ARSG: variants seen among roughly 807,000 people sequenced by gnomAD.
The protein encoded by ARSG is ASG.
A neutral mutation model predicts 50.5 loss-of-function variants in ARSG; 37 were observed. That is an observed-to-expected ratio of 0.73 (90% CI 0.56 to 0.96). The LOEUF is 0.96. Among genes scored for constraint, ARSG ranks in the 50% least tolerant of loss-of-function variants. ARSG has a pLI of 0.00. For synonymous variants in ARSG, 225 were observed against 254.6 expected (o/e 0.88, Z 1.11); for missense variants, 629 against 675.3 (o/e 0.93, Z 0.76).
At chr17:68,437,685 A>G in the ARSG span, among the ~76,000 whole-genome samples, 11 of 152,214 alleles carry the variant, frequency 7.2e-5, no homozygotes, top group African/African-American at 2.7e-4. Context: ...CTAGACATTG[A>G]GACAAACTAA....
the ARSG span, chr17:68,436,467 A>G: frequency 6.2e-7 from 1 of 1,613,890 alleles, no homozygotes; most frequent in Non-Finnish European, 8.5e-7. Flanking sequence ...GTTGATAGAG[A>G]GAGCACATAG....
chr17:68,322,294 C>T (rs1379213538), intron 2 of ARSG, among the ~76,000 whole-genome samples: 4 of 152,208 alleles, frequency 2.6e-5, no homozygotes, highest in Admixed American at 1.3e-4. Context: ...ATGAAACCTA[C>T]ACCCGGCAAA....
At chr17:68,299,417 C>G (rs570929642) in intron 1 of ARSG, among the ~76,000 whole-genome samples, 4 of 151,694 alleles carry the variant, frequency 2.6e-5, no homozygotes, top group African/African-American at 4.8e-5. Context: ...AAAAATGGAA[C>G]GTTGACACGT....
chr17:68,436,124 G>C, the ARSG span, among the ~76,000 whole-genome samples: 138,835 of 152,310 alleles, frequency 0.91, 63,578 homozygotes, highest in African/African-American at 0.98. Flanking sequence ...CACATTCAGG[G>C]AGACAACTGG....
chr17:68,270,535 T>TA (rs2075304026), intron 1 of ARSG, among the ~76,000 whole-genome samples: 1 of 142,770 alleles, frequency 7.0e-6, no homozygotes, highest in Non-Finnish European at 1.5e-5. Context: ...GCCTGGGTGA[T>TA]AGAGCGAGAC....
At chr17:68,405,463 A>C (rs1459835604) in intron 11 of ARSG, among the ~76,000 whole-genome samples, 1 of 152,024 alleles carries the variant, frequency 6.6e-6, no homozygotes, top group Non-Finnish European at 1.5e-5. Context: ...AGTTGTTTTC[A>C]CAATTTCGTT....
At chr17:68,330,983 G>T (rs934580632) in intron 2 of ARSG, among the ~76,000 whole-genome samples, 14 of 89,480 alleles carry the variant, frequency 1.6e-4, no homozygotes, top group South Asian at 4.2e-4. Flanking sequence ...TTTTGCGGGG[G>T]GGGGGGGAGG....
intron 2 of ARSG, among the ~76,000 whole-genome samples, chr17:68,315,598 T>C (rs989808977): frequency 6.6e-6 from 1 of 151,958 alleles, no homozygotes; most frequent in African/African-American, 2.4e-5. Flanking sequence ...TTTTGTGCTG[T>C]CCAAGCATAA....
chr17:68,358,829 C>T (rs2079152396), intron 6 of ARSG, among the ~76,000 whole-genome samples: 2 of 151,802 alleles, frequency 1.3e-5, no homozygotes, highest in Admixed American at 1.3e-4. Flanking sequence ...ATGGTGCCAC[C>T]GTACTCCAGC....
At chr17:68,426,254 G>GGGGGGT, downstream of ARSG, 2 of 816,922 alleles carry the variant, frequency 2.4e-6, no homozygotes, top group Admixed American at 2.3e-5. Flanking sequence ...GGGAGCGGGG[G>GGGGGGT]CTCAAATAAA....
At chr17:68,433,786 T>G in the ARSG span, among the ~76,000 whole-genome samples, 665 of 65,560 alleles carry the variant, frequency 0.01, 39 homozygotes, top group Non-Finnish European at 0.015. Flanking sequence ...TTTTTTTTTT[T>G]TTTTTTTTTT....
chr17:68,421,642 A>T, downstream of ARSG: 1 of 1,321,878 alleles, frequency 7.6e-7, no homozygotes, highest in Non-Finnish European at 1.1e-6. Flanking sequence ...CCTGTGGTTT[A>T]AGCAGTGGAG....
chr17:68,334,357 G>A (rs531420079), intron 2 of ARSG, among the ~76,000 whole-genome samples: 12 of 152,238 alleles, frequency 7.9e-5, no homozygotes, highest in African/African-American at 2.4e-4. Context: ...TATGTGGTAC[G>A]AAAGCAAAGA....
At chr17:68,283,708 C>T (rs1555753583) in intron 1 of ARSG, among the ~76,000 whole-genome samples, 1 of 149,876 alleles carries the variant, frequency 6.7e-6, no homozygotes, top group African/African-American at 2.5e-5. Context: ...AACCCTGTCT[C>T]TACTAAAAAA....
intron 9 of ARSG, among the ~76,000 whole-genome samples, chr17:68,386,798 T>G (rs2080747458): frequency 6.6e-6 from 1 of 152,146 alleles, no homozygotes; most frequent in Non-Finnish European, 1.5e-5. Flanking sequence ...TGGCTTCTCA[T>G]CAGAGAATGG....
At chr17:68,434,463 G>T in the ARSG span, 1 of 1,349,058 alleles carries the variant, frequency 7.4e-7, no homozygotes, top group Non-Finnish European at 1.0e-6. Context: ...GGAGGGCACA[G>T]AGCCACTCTC....
intron 11 of ARSG, among the ~76,000 whole-genome samples, chr17:68,411,708 A>G (rs1050232691): frequency 1.2e-4 from 18 of 147,946 alleles, no homozygotes; most frequent in Non-Finnish European, 2.4e-4. Flanking sequence ...TGATCTGTCT[A>G]ATGTTGACAG....
At chr17:68,344,076 T>C (rs1356185353) in intron 3 of ARSG, among the ~76,000 whole-genome samples, 1 of 152,234 alleles carries the variant, frequency 6.6e-6, no homozygotes, top group Non-Finnish European at 1.5e-5. Flanking sequence ...ATCTTTCTGC[T>C]CTGCCATCCT....
intron 2 of ARSG, among the ~76,000 whole-genome samples, chr17:68,310,950 C>T (rs1256243356): frequency 1.3e-5 from 2 of 152,190 alleles, no homozygotes; most frequent in Non-Finnish European, 2.9e-5. Context: ...CCTGTAATTC[C>T]AGCACTTTAG....
Sources: allele counts gnomAD v4.1 joint callset (sites outside exome capture counted in the v4.1 genomes callset), GRCh38; gene constraint gnomAD v4.1.1; transcripts MANE v1.5; gene names NCBI Gene and HGNC (gene_info 2026-07-23, HGNC 2026-07-21).